Variants in MCF2L2 observed in about 807,000 individuals in gnomAD.
The protein encoded by MCF2L2 is probable guanine nucleotide exchange factor MCF2L2.
MCF2L2 carries 102 observed loss-of-function variants against 150.2 expected under a neutral mutation model. The observed-to-expected ratio is 0.68, with a 90% confidence interval of 0.58 to 0.80. The LOEUF (loss-of-function observed/expected upper bound fraction) is 0.80. Ranked by LOEUF, MCF2L2 falls within the 30% of genes least tolerant of loss-of-function variation. The pLI, the probability that MCF2L2 is intolerant of heterozygous loss-of-function variation, is 0.00. For missense variants in MCF2L2, 1,256 were observed against 1,372.8 expected (o/e 0.91, Z 1.34); for synonymous variants, 465 against 491.3 (o/e 0.95, Z 0.71).
intron 15 of MCF2L2, among the ~76,000 whole-genome samples, chr3:183,274,280 T>A (rs1351122426): frequency 8.5e-5 from 13 of 152,186 alleles, no homozygotes. Flanking sequence ...TATAATCTGT[T>A]GAGAGAGGGA....
At chr3:183,234,532 A>G (rs536831225) in intron 15 of MCF2L2, among the ~76,000 whole-genome samples, 21 of 152,296 alleles carry the variant, frequency 1.4e-4, no homozygotes, top group African/African-American at 5.1e-4. Flanking sequence ...TAGGAACTCC[A>G]CTGAAGAATG....
intron 13 of MCF2L2, among the ~76,000 whole-genome samples, chr3:183,294,145 G>C (rs568389774): frequency 6.6e-6 from 1 of 152,050 alleles, no homozygotes; most frequent in African/African-American, 2.4e-5. Flanking sequence ...TTGGAACATC[G>C]CATGACTTGA....
chr3:183,241,181 G>C (rs1724008951), intron 15 of MCF2L2, among the ~76,000 whole-genome samples: 2 of 152,202 alleles, frequency 1.3e-5, no homozygotes, highest in Non-Finnish European at 2.9e-5. Flanking sequence ...TGAAGTTTAA[G>C]CAGAGGTTTT....
intron 3 of MCF2L2, among the ~76,000 whole-genome samples, chr3:183,357,201 G>A (rs1231206608): frequency 6.6e-6 from 1 of 152,002 alleles, no homozygotes; most frequent in Non-Finnish European, 1.5e-5. Context: ...AGAACAAATA[G>A]GGCCACACAA....
At chr3:183,231,167 T>C (rs1223985171) in intron 15 of MCF2L2, 150 bp from the exon 16 acceptor site, 4 of 702,270 alleles carry the variant, frequency 5.7e-6, no homozygotes, top group East Asian at 2.7e-5. Context: ...TTCTGTTCTA[T>C]TGAACACCCA....
intron 5 of MCF2L2, among the ~76,000 whole-genome samples, chr3:183,332,442 C>T (rs962601615): frequency 3.3e-5 from 5 of 152,048 alleles, no homozygotes; most frequent in African/African-American, 9.7e-5. Context: ...GTCAGAATAT[C>T]GAGATAAAGT....
intron 15 of MCF2L2, among the ~76,000 whole-genome samples, chr3:183,245,570 G>C (rs1447467886): frequency 6.6e-6 from 1 of 152,158 alleles, no homozygotes; most frequent in African/African-American, 2.4e-5. Flanking sequence ...TACCCTTCCA[G>C]GAACCTGTTT....
At chr3:183,275,204 G>A (rs1050724324) in intron 15 of MCF2L2, among the ~76,000 whole-genome samples, 1 of 151,434 alleles carries the variant, frequency 6.6e-6, no homozygotes, top group Non-Finnish European at 1.5e-5. Flanking sequence ...GTTTTTTTAC[G>A]AGCTGTAAGT....
intron 22 of MCF2L2, among the ~76,000 whole-genome samples, chr3:183,210,915 A>C (rs1056207447): frequency 6.6e-6 from 1 of 152,216 alleles, no homozygotes; most frequent in African/African-American, 2.4e-5. Flanking sequence ...GGCCCCCAGC[A>C]TAAAAACAAT....
rs928621196 is a variant in MCF2L2, at chr3:183,223,433, G to A, written c.2214C>T (p.Cys738=). Residue 738 remains cysteine, a synonymous_variant, in exon 20 of 30, where the codon TGC becomes TGT. Coordinates refer to ENST00000328913, the MANE Select transcript of MCF2L2 (RefSeq NM_015078.4). The part of the protein sequence containing the change: ...ECQDCAYFGV[C]QRQLDHNLPL... ...GGAGATTGTGATCCAGTTGGCGCTGGCATACCTTTAAAAGCCAAATAGAAA... is the reference window on the plus strand; with the variant it reads ...GGAGATTGTGATCCAGTTGGCGCTGACATACCTTTAAAAGCCAAATAGAAA... 2.5e-6 allele frequency: 4 copies of A among 1,612,778 alleles called. 1 individual carries two copies. The African/African-American group carries it at 5.3e-5, about 22-fold the overall frequency.
chr3:183,280,779 C>T lies in MCF2L2; in HGVS notation c.1777-3822G>A, dbSNP rs962582314. The stretch of plus-strand genomic sequence containing the variant: ...AGGAGAATCGCTTGAACCCGGGAGA[C>T]GGAGGTTGCAATGAGCTGAGATCAC... On this transcript the variant is annotated intron_variant, in intron 14 of 29. Coordinates refer to ENST00000328913, the MANE Select transcript of MCF2L2 (RefSeq NM_015078.4). Among the ~76,000 whole-genome samples the T allele has an allele frequency of 4.7e-5, 7 of 148,606 alleles. No homozygotes were observed. In the East Asian group the frequency reaches 6.0e-4, roughly 13 times the overall value.
intron 1 of MCF2L2, among the ~76,000 whole-genome samples, chr3:183,409,381 C>T (rs907916476): frequency 1.3e-5 from 2 of 152,138 alleles, no homozygotes; most frequent in Admixed American, 6.6e-5. Flanking sequence ...TTGATTCTGA[C>T]GTTTCCTCTT....
At chr3:183,425,547 CAA>C (rs915505419) in intron 1 of MCF2L2, among the ~76,000 whole-genome samples, 6 of 152,178 alleles carry the variant, frequency 3.9e-5, no homozygotes, top group African/African-American at 1.4e-4. Context: ...ACTGGCTACC[CAA>C]AGTGACCCTC....
chr3:183,198,277 A>T (rs953436404), intron 25 of MCF2L2, among the ~76,000 whole-genome samples: 153 of 152,342 alleles, frequency 1.0e-3, no homozygotes, highest in African/African-American at 3.5e-3. Context: ...ATTGTTTACA[A>T]AATCCAAATA....
chr3:183,418,690 T>A (rs949729089), intron 1 of MCF2L2, among the ~76,000 whole-genome samples: 2 of 152,154 alleles, frequency 1.3e-5, no homozygotes, highest in East Asian at 3.9e-4. Flanking sequence ...ATATTAAAGA[T>A]CCAAAATGAT....
At chr3:183,219,362 G>A (rs1576932815) in intron 21 of MCF2L2, among the ~76,000 whole-genome samples, 1 of 152,140 alleles carries the variant, frequency 6.6e-6, no homozygotes, top group Admixed American at 6.5e-5. Flanking sequence ...TGTAATACCA[G>A]CACTTTGGGA....
At chr3:183,370,578 T>C (rs888475185) in intron 3 of MCF2L2, among the ~76,000 whole-genome samples, 1 of 152,190 alleles carries the variant, frequency 6.6e-6, no homozygotes, top group Non-Finnish European at 1.5e-5. Context: ...ACAGAATAGA[T>C]GACGCAAAGG....
intron 15 of MCF2L2, chr3:183,266,150 A>G (rs1726094939): frequency 6.6e-6 from 1 of 152,232 alleles, no homozygotes; most frequent in African/African-American, 2.4e-5. Flanking sequence ...GATTCACTGG[A>G]GAGATACTAG....
At chr3:183,239,231 G>C (rs1247180507) in intron 15 of MCF2L2, among the ~76,000 whole-genome samples, 2 of 152,142 alleles carry the variant, frequency 1.3e-5, no homozygotes, top group Non-Finnish European at 2.9e-5. Context: ...TGTACTCTGC[G>C]TTAGTTTACA....
Sources: allele counts gnomAD v4.1 joint callset (sites outside exome capture counted in the v4.1 genomes callset), GRCh38; gene constraint gnomAD v4.1.1; transcripts MANE v1.5; gene names NCBI Gene and HGNC (gene_info 2026-07-23, HGNC 2026-07-21).